Variants in SHC4 observed in about 807,000 individuals in gnomAD.
SHC4 encodes SHC-transforming protein 4.
In SHC4, 41 loss-of-function variants were observed where a neutral mutation model predicts 69.4. The observed-to-expected ratio is 0.59, with a 90% confidence interval of 0.46 to 0.77. The LOEUF is 0.77. SHC4 is among the 30% of genes least tolerant of loss of function. The probability of loss-of-function intolerance (pLI) is 0.00; values close to 1 mark genes in which losing one functional copy is unlikely to be tolerated. For synonymous variants in SHC4, 318 were observed against 299.3 expected (o/e 1.06, Z -0.64); for missense variants, 777 against 783.8 (o/e 0.99, Z 0.10).
intron 2 of SHC4, among the ~76,000 whole-genome samples, chr15:48,909,364 A>G (rs1172955990): frequency 1.3e-5 from 2 of 151,544 alleles, no homozygotes; most frequent in Non-Finnish European, 2.9e-5. Flanking sequence ...GTTGATATAT[A>G]GAAGACCTAC....
chr15:48,962,515 G>C lies in SHC4; in HGVS notation c.501C>G (p.Gly167=), dbSNP rs1371150868. ...ALTPDSCPLP[G]PGEPTLRSRQ... is the part of the protein sequence containing the mutation. The stretch of plus-strand genomic sequence containing the variant: ...TGCTCCTAAGTGTTGGCTCCCCAGG[G>C]CCAGGAAGCGGGCACGAATCAGGGG... The change falls in exon 1 of 12, where the codon GGC becomes GGG. Residue 167 remains glycine, a synonymous_variant. Coordinates refer to ENST00000332408, the MANE Select transcript of SHC4 (RefSeq NM_203349.4). 6.3e-7 allele frequency: 1 copy of C among 1,582,584 alleles called. No individual in the cohort carries two copies. Among genetic ancestry groups the C allele is most frequent in the East Asian group, 2.2e-5 (1 of 44,608 alleles).
At chr15:48,902,803 G>T (rs758514937) in intron 2 of SHC4, among the ~76,000 whole-genome samples, 1 of 152,094 alleles carries the variant, frequency 6.6e-6, no homozygotes, top group Non-Finnish European at 1.5e-5. Flanking sequence ...CTCTCCCTCT[G>T]CCAGGCCCTG....
chr15:48,899,563 A>G (rs1179802019), intron 2 of SHC4, among the ~76,000 whole-genome samples: 1 of 152,186 alleles, frequency 6.6e-6, no homozygotes, highest in African/African-American at 2.4e-5. Context: ...GGTGTAATGA[A>G]TATATTACTT....
chr15:48,837,182 C>T (rs986850281), intron 10 of SHC4, among the ~76,000 whole-genome samples: 6 of 152,150 alleles, frequency 3.9e-5, no homozygotes, highest in Admixed American at 3.3e-4. Context: ...GAAAAAGAGA[C>T]ATTATATCAT....
intron 1 of SHC4, among the ~76,000 whole-genome samples, chr15:48,936,048 G>A (rs934385736): frequency 6.6e-6 from 1 of 152,028 alleles, no homozygotes; most frequent in African/African-American, 2.4e-5. Context: ...TTGGCTATCT[G>A]TCTCCCCTAC....
intron 6 of SHC4, among the ~76,000 whole-genome samples, chr15:48,866,330 T>C (rs1362858141): frequency 1.3e-5 from 2 of 152,182 alleles, no homozygotes; most frequent in Non-Finnish European, 2.9e-5. Context: ...TTAGAGTGGG[T>C]CAGTTTTAAT....
intron 6 of SHC4, among the ~76,000 whole-genome samples, chr15:48,860,007 T>C (rs1899409687): frequency 6.6e-6 from 1 of 151,906 alleles, no homozygotes; most frequent in African/African-American, 2.4e-5. Context: ...GAATAGCCAC[T>C]GCACCCCAGC....
intron 3 of SHC4, among the ~76,000 whole-genome samples, chr15:48,889,469 G>C (rs1900093473): frequency 6.6e-6 from 1 of 152,200 alleles, no homozygotes; most frequent in Non-Finnish European, 1.5e-5. Flanking sequence ...TCATCCTAGT[G>C]ACTCAGGCAA....
At chr15:48,961,774 G>A (rs536887023) in intron 1 of SHC4, among the ~76,000 whole-genome samples, 1 of 152,286 alleles carries the variant, frequency 6.6e-6, no homozygotes, top group East Asian at 1.9e-4. Context: ...CATCTTGACT[G>A]AGCAAGGACA....
intron 3 of SHC4, among the ~76,000 whole-genome samples, chr15:48,884,889 G>A (rs1900006545): frequency 6.6e-6 from 1 of 152,092 alleles, no homozygotes; most frequent in Non-Finnish European, 1.5e-5. Context: ...TAATCATGAT[G>A]CCTGAAATTC....
At chr15:48,828,138 T>C (rs1194013916) in intron 11 of SHC4, among the ~76,000 whole-genome samples, 1 of 151,424 alleles carries the variant, frequency 6.6e-6, no homozygotes, top group African/African-American at 2.4e-5. Context: ...TATATATACA[T>C]CTGTTATGTA....
chr15:48,920,968 AAGAAGG>A (rs1285779373), intron 2 of SHC4, among the ~76,000 whole-genome samples: 5 of 152,030 alleles, frequency 3.3e-5, no homozygotes, highest in East Asian at 1.9e-4. Flanking sequence ...GAAGGTGAAG[AAGAAGG>A]AGAAGGAGGA....
intron 4 of SHC4, chr15:48,876,454 C>T (rs72739896): frequency 0.014 from 464 of 32,900 alleles, 1 homozygote; most frequent in East Asian, 0.13. Flanking sequence ...TATATATATA[C>T]ACACACACAC....
Position 48,947,751 on chromosome 15 carries a change from C to T in SHC4, c.585+14680G>A, listed in dbSNP as rs903253461. 5.9e-5 allele frequency: 9 copies of T among 152,110 alleles called. No homozygotes were observed. The South Asian group carries it at 1.2e-3, about 21-fold the overall frequency. The allele number at this position is 152,110 out of a possible 1,614,324, so 9.4% of individuals were successfully genotyped here. On this transcript the variant is annotated intron_variant, in intron 1 of 11. Transcript: ENST00000332408. ...AAAGATATGTATTTTTTCCAAATGA[C>T]GAACAAAAGCTATTGAAAAAAATTA...
intron 2 of SHC4, among the ~76,000 whole-genome samples, chr15:48,923,034 TGAC>T (rs2141023535): frequency 6.6e-6 from 1 of 152,330 alleles, no homozygotes; most frequent in South Asian, 2.1e-4. Context: ...CATGTGCCAG[TGAC>T]TGACGTAGGT....
chr15:48,880,125 C>G (rs1402320827), intron 4 of SHC4: 1 of 167,080 alleles, frequency 6.0e-6, no homozygotes, highest in East Asian at 1.9e-4. Flanking sequence ...AAAAATGTTC[C>G]AAATGCTTCT....
At chr15:48,878,734 A>G (rs1899881111) in intron 4 of SHC4, 1 of 1,610,774 alleles carries the variant, frequency 6.2e-7, no homozygotes, top group African/African-American at 1.3e-5. Context: ...TTATTGATAG[A>G]GAGTAGTTAG....
At chr15:48,908,610 C>G (rs1287083954) in intron 2 of SHC4, among the ~76,000 whole-genome samples, 1 of 152,190 alleles carries the variant, frequency 6.6e-6, no homozygotes, top group African/African-American at 2.4e-5. Flanking sequence ...GGTTCTTGGT[C>G]ATGAAATCCT....
intron 8 of SHC4, among the ~76,000 whole-genome samples, chr15:48,853,102 G>C (rs1218489488): frequency 6.6e-6 from 1 of 151,836 alleles, no homozygotes; most frequent in Non-Finnish European, 1.5e-5. Flanking sequence ...TCTGCCAAAA[G>C]GCTCCTGGAA....
Sources: allele counts gnomAD v4.1 joint callset (sites outside exome capture counted in the v4.1 genomes callset), GRCh38; gene constraint gnomAD v4.1.1; transcripts MANE v1.5; gene names NCBI Gene and HGNC (gene_info 2026-07-23, HGNC 2026-07-21).